THRB: variants seen among roughly 807,000 people sequenced by gnomAD.
THRB encodes thyroid hormone receptor beta.
A neutral mutation model predicts 47.8 loss-of-function variants in THRB; 12 were observed. The ratio of observed to expected loss-of-function variants is 0.25; its 90% CI spans 0.16 to 0.41. The LOEUF (loss-of-function observed/expected upper bound fraction) is 0.41, where lower values mean the gene tolerates loss of function less well. THRB is among the 10% of genes least tolerant of loss of function. The pLI is 1.00. For missense variants in THRB, 348 were observed against 589.2 expected (o/e 0.59, Z 4.24); for synonymous variants, 218 against 212.2 (o/e 1.03, Z -0.24).
chr3:24,259,796 T>C (rs1372817400), intron 3 of THRB, among the ~76,000 whole-genome samples: 1 of 152,154 alleles, frequency 6.6e-6, no homozygotes, highest in Non-Finnish European at 1.5e-5. Context: ...TAGATTTAAG[T>C]GATTTGGTTT....
At chr3:24,298,519 T>C in intron 2 of THRB, among the ~76,000 whole-genome samples, 1 of 152,264 alleles carries the variant, frequency 6.6e-6, no homozygotes, top group East Asian at 1.9e-4. Context: ...TTGTTTATGA[T>C]TATTTTAAAC....
rs1205903336 is a variant in THRB at position 24,152,204 on chromosome 3, GA to G, written c.384+185del. 4.6e-5 allele frequency among the ~76,000 whole-genome samples: 7 copies of G among 152,226 alleles called. 1 individual carries two copies. The South Asian group carries it at 1.5e-3, about 32-fold the overall frequency. ...ACTCATTTAGTTATTTATGATTTGGGAAAAAAATTCAGTTCTTGAACATGTC... is the reference window on the plus strand; with the variant it reads ...ACTCATTTAGTTATTTATGATTTGGGAAAAAATTCAGTTCTTGAACATGTC... On this transcript the variant is annotated intron_variant, in intron 6 of 10. Coordinates refer to ENST00000646209, the MANE Select transcript of THRB (RefSeq NM_001354712.2).
At chr3:24,433,178 G>C (rs1412676760) in intron 1 of THRB, among the ~76,000 whole-genome samples, 2 of 152,110 alleles carry the variant, frequency 1.3e-5, no homozygotes, top group Non-Finnish European at 2.9e-5. Context: ...ATACCTATCT[G>C]TAGTGGGTTA....
intron 1 of THRB, among the ~76,000 whole-genome samples, chr3:24,405,480 G>C (rs1560112722): frequency 6.6e-6 from 1 of 151,812 alleles, no homozygotes; most frequent in Non-Finnish European, 1.5e-5. Context: ...TGGTCTATTG[G>C]ATTCATAGGA....
At chr3:24,436,408 G>A (rs1439022027) in intron 1 of THRB, among the ~76,000 whole-genome samples, 1 of 152,070 alleles carries the variant, frequency 6.6e-6, no homozygotes, top group African/African-American at 2.4e-5. Context: ...CTCGATGCAC[G>A]ACTTGATCAT....
chr3:24,473,368 C>A (rs910529313), intron 1 of THRB, among the ~76,000 whole-genome samples: 1 of 152,004 alleles, frequency 6.6e-6, no homozygotes, highest in Non-Finnish European at 1.5e-5. Context: ...TTTTCATATG[C>A]TTGTTGGCCA....
At chr3:24,381,113 C>CAAAA (rs35253085) in intron 1 of THRB, among the ~76,000 whole-genome samples, 978 of 87,624 alleles carry the variant, frequency 0.011, 7 homozygotes, top group African/African-American at 0.025. Context: ...GACTCTGCCT[C>CAAAA]AAAAAAAAAA....
chr3:24,368,450 G>A (rs887837407), intron 1 of THRB, among the ~76,000 whole-genome samples: 10 of 152,086 alleles, frequency 6.6e-5, no homozygotes, highest in African/African-American at 2.4e-4. Flanking sequence ...TAAGACATAA[G>A]GCACTAGAAA....
chr3:24,137,156 A>G (rs1256012766), intron 8 of THRB, among the ~76,000 whole-genome samples: 2 of 152,240 alleles, frequency 1.3e-5, no homozygotes, highest in African/African-American at 4.8e-5. Context: ...ATATGAACTT[A>G]AGGGGGTAGA....
rs151167827 is a variant in THRB, at chr3:24,438,230, C to T, written c.-261+56422G>A. Among the ~76,000 whole-genome samples the T allele has an allele frequency of 4.6e-3, 697 of 152,102 alleles. 6 individuals are homozygous for T. Among genetic ancestry groups the T allele is most frequent in the African/African-American group, 0.016 (666 of 41,496 alleles). On this transcript the variant is annotated intron_variant, in intron 1 of 10. Transcript: ENST00000646209. ...ATTGATCTAGGCTCCCAAACCAGGC[C>T]GTCATCCTCCACACCAAGCTTCTCC...
At chr3:24,451,642 T>C (rs926429231) in intron 1 of THRB, among the ~76,000 whole-genome samples, 2 of 152,304 alleles carry the variant, frequency 1.3e-5, no homozygotes, top group Non-Finnish European at 1.5e-5. Context: ...TGCTTTCCTT[T>C]TGGTGAGGAC....
At chr3:24,192,741 A>T (rs13065854) in intron 4 of THRB, among the ~76,000 whole-genome samples, 22,787 of 152,098 alleles carry the variant, frequency 0.15, 1,924 homozygotes, top group Non-Finnish European at 0.19. Context: ...ACTTGGGGTG[A>T]GGTAAGGGAT....
At chr3:24,327,494 A>G (rs563969667) in intron 2 of THRB, among the ~76,000 whole-genome samples, 1 of 152,328 alleles carries the variant, frequency 6.6e-6, no homozygotes, top group East Asian at 1.9e-4. Flanking sequence ...ATAAATGACC[A>G]TATAAAAGCA....
intron 3 of THRB, among the ~76,000 whole-genome samples, chr3:24,263,332 G>A (rs1156263485): frequency 2.6e-5 from 4 of 152,054 alleles, no homozygotes; most frequent in Admixed American, 1.3e-4. Flanking sequence ...GAATTAGGGA[G>A]CATTATCTCT....
At chr3:24,351,827 G>A (rs980345466) in intron 1 of THRB, among the ~76,000 whole-genome samples, 2 of 152,124 alleles carry the variant, frequency 1.3e-5, no homozygotes, top group Non-Finnish European at 2.9e-5. Flanking sequence ...GAGAGCAGAT[G>A]GTGACCGGGA....
At chr3:24,130,266 G>C (rs1019748880) in intron 9 of THRB, among the ~76,000 whole-genome samples, 7 of 152,214 alleles carry the variant, frequency 4.6e-5, no homozygotes, top group African/African-American at 1.7e-4. Flanking sequence ...AACTTGGATA[G>C]ATAAGCTTGC....
chr3:24,236,941 G>T (rs990260763), intron 3 of THRB, among the ~76,000 whole-genome samples: 2 of 152,168 alleles, frequency 1.3e-5, no homozygotes, highest in Non-Finnish European at 2.9e-5. Flanking sequence ...GAGAACAGAG[G>T]CAAGGTGTTT....
chr3:24,431,662 G>A (rs2070438111), intron 1 of THRB, among the ~76,000 whole-genome samples: 1 of 152,018 alleles, frequency 6.6e-6, no homozygotes, highest in Admixed American at 6.6e-5. Context: ...ATGAACCAAA[G>A]ACACATGGAA....
At chr3:24,381,557 A>C (rs2065714512) in intron 1 of THRB, among the ~76,000 whole-genome samples, 1 of 152,210 alleles carries the variant, frequency 6.6e-6, no homozygotes, top group Non-Finnish European at 1.5e-5. Flanking sequence ...TGTCTTTATC[A>C]AAAGCAAATG....
Sources: allele counts gnomAD v4.1 joint callset (sites outside exome capture counted in the v4.1 genomes callset), GRCh38; gene constraint gnomAD v4.1.1; transcripts MANE v1.5; gene names NCBI Gene and HGNC (gene_info 2026-07-23, HGNC 2026-07-21).